Variants in TRPM1 observed in about 807,000 individuals in gnomAD.
The protein encoded by TRPM1 is TRPM1-203 APA Isoform, Intron 10.
Under a neutral mutation model 149.4 loss-of-function variants are expected in TRPM1, and 113 were observed. The observed-to-expected ratio is 0.76, with a 90% CI of 0.65 to 0.88. The LOEUF (loss-of-function observed/expected upper bound fraction) is 0.88. TRPM1 is among the 40% of genes least tolerant of loss of function. TRPM1 has a pLI of 0.00. For missense variants in TRPM1, 1,976 were observed against 2,038.7 expected, an observed-to-expected ratio of 0.97 and a Z score of 0.59; for synonymous variants, 741 against 759.5, an observed-to-expected ratio of 0.98 and a Z score of 0.40.
rs768547616 is a variant in TRPM1 at position 31,067,943 on chromosome 15, C to T, written c.429G>A (p.Gly143=). Residue 143 remains glycine (G), a synonymous_variant, in exon 5 of 28, where the codon GGG becomes GGA. Transcript: ENST00000256552. ...TCATAGCAGCCTTGATCAGGCCTTT[C>T]CCAAAGACTTGTTTCAGCTTGGGCT... ...EMQPKLKQVF[G]KGLIKAAMTT... 16 of 1,613,990 alleles carry T rather than the reference C, an allele frequency of 9.9e-6. No individual in the cohort carries two copies. The African/African-American group carries it at 1.9e-4, about 19-fold the overall frequency.
chr15:31,042,342 A>C, intron 16 of TRPM1, 99 bp from the exon 17 acceptor site: 1 of 1,250,258 alleles, frequency 8.0e-7, no homozygotes. Context: ...GTCAGAGGTA[A>C]TAAAGAGACT....
At chr15:31,061,614 T>C (rs957568117) in intron 9 of TRPM1, 100 bp from the exon 10 acceptor site, 2 of 966,350 alleles carry the variant, frequency 2.1e-6, no homozygotes, top group African/African-American at 3.2e-5. Flanking sequence ...CGTAATAAAA[T>C]GATCCTGAGC....
chr15:31,008,951 C>T (rs1417762943), intron 27 of TRPM1, among the ~76,000 whole-genome samples: 1 of 152,166 alleles, frequency 6.6e-6, no homozygotes, highest in African/African-American at 2.4e-5. Flanking sequence ...TTAAAGAACT[C>T]AGAAAGAGAA....
chr15:31,052,693 T>G (rs1190696700), intron 11 of TRPM1, among the ~76,000 whole-genome samples: 3 of 152,172 alleles, frequency 2.0e-5, no homozygotes, highest in Non-Finnish European at 4.4e-5. Context: ...GAGAATTCCT[T>G]GAACCCAGGA....
chr15:31,106,696 G>C (rs558188753), upstream of TRPM1, among the ~76,000 whole-genome samples: 19 of 152,238 alleles, frequency 1.2e-4, no homozygotes, highest in African/African-American at 4.3e-4. Flanking sequence ...CGTGTCAATG[G>C]GCACTTGAGT....
chr15:31,129,613 T>C (rs1283751005), intron 1 of TRPM1, among the ~76,000 whole-genome samples: 1 of 152,216 alleles, frequency 6.6e-6, no homozygotes, highest in African/African-American at 2.4e-5. Flanking sequence ...TTGCTTAGAA[T>C]GGTCTTATAA....
intron 2 of TRPM1, among the ~76,000 whole-genome samples, chr15:31,079,108 A>AT (rs2034788578): frequency 1.3e-5 from 2 of 152,198 alleles, no homozygotes; most frequent in Admixed American, 1.3e-4. Context: ...ATGGTTTGTA[A>AT]TATATAGAGA....
intron 11 of TRPM1, among the ~76,000 whole-genome samples, chr15:31,058,757 A>G (rs2034150503): frequency 6.6e-6 from 1 of 152,116 alleles, no homozygotes; most frequent in Admixed American, 6.5e-5. Context: ...GGTTCCACGT[A>G]CTCTTTACCG....
rs1195714132 is a variant in TRPM1 at position 31,067,118 on chromosome 15, A to G, written c.563T>C (p.Ile188Thr). 11 of 1,614,180 alleles carry G rather than the reference A, an allele frequency of 6.8e-6. No individual in the cohort carries two copies. The highest frequency in any genetic ancestry group is 9.3e-6 in the Non-Finnish European group (11 of 1,180,026). The change falls in exon 6 of 28, where the codon ATA becomes ACA. Residue 188 changes from isoleucine to threonine, a missense_variant. By Grantham distance (89) the Ile-to-Thr change is moderately conservative. Around this residue, in one of 3 missense-constraint regions of TRPM1, gnomAD observed 1,332 missense variants for 1,347.1 expected, o/e 0.99. Coordinates refer to ENST00000256552, the MANE Select transcript of TRPM1 (RefSeq NM_001252024.2). Reference sequence around the variant, plus strand: ...CACGATGCCCCATGGAGCAATTCCTATAGCACAAACCCGGCCTCTGGACTT... The same window carrying G: ...CACGATGCCCCATGGAGCAATTCCTGTAGCACAAACCCGGCCTCTGGACTT... ...SSKSRGRVCAIGIAPWGIVEN... is the reference protein window; with the variant it reads ...SSKSRGRVCATGIAPWGIVEN...
intron 27 of TRPM1, among the ~76,000 whole-genome samples, chr15:31,016,986 C>CAA (rs1428703762): frequency 1.1e-4 from 11 of 100,284 alleles, no homozygotes; most frequent in African/African-American, 2.8e-4. Flanking sequence ...CACACACACA[C>CAA]ACAAAAAAAA....
At chr15:31,116,663 C>A (rs115474638) in intron 1 of TRPM1, among the ~76,000 whole-genome samples, 1 of 151,012 alleles carries the variant, frequency 6.6e-6, no homozygotes, top group Non-Finnish European at 1.5e-5. Context: ...CACACCTTAC[C>A]GGCATCACCA....
intron 1 of TRPM1, among the ~76,000 whole-genome samples, chr15:31,147,601 C>T (rs1672407): frequency 0.46 from 70,304 of 151,978 alleles, 16,660 homozygotes; most frequent in African/African-American, 0.54. Flanking sequence ...TCATCACTCC[C>T]GATTGCTCTC....
At chr15:31,089,123 C>G (rs575150888) in intron 1 of TRPM1, among the ~76,000 whole-genome samples, 4 of 152,166 alleles carry the variant, frequency 2.6e-5, no homozygotes, top group Admixed American at 6.5e-5. Flanking sequence ...GTGATGAATA[C>G]AGTGTGGAAA....
intron 9 of TRPM1, among the ~76,000 whole-genome samples, chr15:31,061,813 T>C (rs1043928418): frequency 1.3e-5 from 2 of 152,086 alleles, no homozygotes; most frequent in African/African-American, 4.8e-5. Context: ...GCCTCCCAAG[T>C]GGCTGGGATT....
intron 1 of TRPM1, among the ~76,000 whole-genome samples, chr15:31,098,440 A>AAAT (rs2035441086): frequency 6.6e-6 from 1 of 152,152 alleles, no homozygotes. Flanking sequence ...ACACACACAA[A>AAAT]AATAATAATA....
intron 1 of TRPM1, among the ~76,000 whole-genome samples, chr15:31,154,338 T>C (rs186967912): frequency 9.2e-5 from 14 of 152,210 alleles, no homozygotes; most frequent in African/African-American, 3.1e-4. Flanking sequence ...TGGCATGGGG[T>C]GTGTTACATT....
At chr15:31,004,461 T>C (rs1041274244) in intron 27 of TRPM1, among the ~76,000 whole-genome samples, 1 of 152,120 alleles carries the variant, frequency 6.6e-6, no homozygotes. Flanking sequence ...ATGCCACTCT[T>C]CTGTTGACCA....
At chr15:31,005,104 A>AAATAAATAAAT in intron 27 of TRPM1, among the ~76,000 whole-genome samples, 1 of 142,844 alleles carries the variant, frequency 7.0e-6, no homozygotes, top group South Asian at 2.3e-4. Flanking sequence ...TCCATCTCAA[A>AAATAAATAAAT]AAATAAATAA....
intron 12 of TRPM1, 110 bp from the exon 13 acceptor site, chr15:31,049,619 A>T: frequency 8.1e-7 from 1 of 1,234,496 alleles, no homozygotes; most frequent in Non-Finnish European, 1.2e-6. Context: ...ATTCCAGAGC[A>T]CTCCAGCATG....
Sources: gnomAD v4.1 joint callset for allele counts (sites outside exome capture counted in the v4.1 genomes callset) on GRCh38, gnomAD v4.1.1 for gene constraint, gnomAD v4.1.1 regional missense constraint, MANE v1.5 for transcripts, NCBI Gene and HGNC (gene_info 2026-07-23, HGNC 2026-07-21) for gene names.